Variants in CELF2 observed in about 807,000 individuals in gnomAD.
The protein encoded by CELF2 is CUGBP Elav-like family member 2, also known as CUG triplet repeat RNA-binding protein 2.
A neutral mutation model predicts 62.6 loss-of-function variants in CELF2; 8 were observed. The ratio of observed to expected loss-of-function variants is 0.13; its 90% confidence interval spans 0.07 to 0.23. CELF2 has a LOEUF of 0.23. CELF2 is among the 10% of genes least tolerant of loss of function. The pLI is 1.00. For synonymous variants in CELF2, 258 were observed against 250.0 expected, an observed-to-expected ratio of 1.03 and a Z score of -0.30; for missense variants, 333 against 671.0, an observed-to-expected ratio of 0.50 and a Z score of 5.56.
At chr10:10,704,068 A>C in the CELF2 span, among the ~76,000 whole-genome samples, 1 of 152,218 alleles carries the variant, frequency 6.6e-6, no homozygotes, top group African/African-American at 2.4e-5. Flanking sequence ...TCACTTCAGT[A>C]CTCTGTAAGC....
intron 1 of CELF2, among the ~76,000 whole-genome samples, chr10:10,897,393 T>C (rs1252920810): frequency 1.3e-5 from 2 of 152,064 alleles, no homozygotes; most frequent in Non-Finnish European, 2.9e-5. Context: ...TGAAGAGATT[T>C]CCAAGAAAAA....
chr10:10,632,310 A>G, the CELF2 span, among the ~76,000 whole-genome samples: 2 of 152,188 alleles, frequency 1.3e-5, no homozygotes, highest in African/African-American at 2.4e-5. Context: ...GCCTCACCTC[A>G]TACATAATCA....
At chr10:10,600,138 C>A in the CELF2 span, among the ~76,000 whole-genome samples, 2 of 152,210 alleles carry the variant, frequency 1.3e-5, no homozygotes, top group Admixed American at 6.5e-5. Flanking sequence ...TGAACACTTA[C>A]AACTCTGTCC....
At chr10:10,688,862 G>A in the CELF2 span, among the ~76,000 whole-genome samples, 10 of 151,850 alleles carry the variant, frequency 6.6e-5, no homozygotes. Context: ...TAATTAGTTG[G>A]GTGTGGTGGT....
At chr10:10,519,237 G>C in the CELF2 span, among the ~76,000 whole-genome samples, 6 of 152,152 alleles carry the variant, frequency 3.9e-5, no homozygotes, top group Non-Finnish European at 1.5e-5. Context: ...CTGATCTCTG[G>C]AAATGGTTGC....
intron 1 of CELF2, among the ~76,000 whole-genome samples, chr10:11,143,679 C>T (rs1213713944): frequency 6.6e-6 from 1 of 152,184 alleles, no homozygotes; most frequent in Non-Finnish European, 1.5e-5. Context: ...ATATTTTATG[C>T]TTATTTCGCT....
At chr10:11,241,779 G>T (rs1182044597) in intron 3 of CELF2, among the ~76,000 whole-genome samples, 1 of 152,010 alleles carries the variant, frequency 6.6e-6, no homozygotes, top group African/African-American at 2.4e-5. Flanking sequence ...GTGGGTTGGG[G>T]GTGTCTTCCT....
At chr10:10,820,945 T>C (rs185062867) in intron 1 of CELF2, among the ~76,000 whole-genome samples, 2 of 152,270 alleles carry the variant, frequency 1.3e-5, no homozygotes, top group East Asian at 3.9e-4. Flanking sequence ...TGGGGGTTAT[T>C]GTAGATATCC....
the CELF2 span, among the ~76,000 whole-genome samples, chr10:10,534,385 G>A: frequency 6.6e-6 from 1 of 152,194 alleles, no homozygotes; most frequent in Non-Finnish European, 1.5e-5. Context: ...ACCGGAGTAT[G>A]TTTGCTGATA....
At chr10:10,558,461 A>G in the CELF2 span, among the ~76,000 whole-genome samples, 1 of 152,132 alleles carries the variant, frequency 6.6e-6, no homozygotes, top group South Asian at 2.1e-4. Flanking sequence ...GGACTTTTGC[A>G]TCAATGTTCA....
At chr10:11,189,098 G>A (rs901191134) in intron 2 of CELF2, among the ~76,000 whole-genome samples, 43 of 152,054 alleles carry the variant, frequency 2.8e-4, no homozygotes, top group Non-Finnish European at 4.3e-4. Flanking sequence ...CTAAAGTGAG[G>A]CCTCTCCTAG....
chr10:10,511,147 C>T, the CELF2 span, among the ~76,000 whole-genome samples: 1,923 of 152,250 alleles, frequency 0.013, 39 homozygotes, highest in African/African-American at 0.044. Context: ...CGGTGGCTCA[C>T]GCCTGTAATC....
the CELF2 span, among the ~76,000 whole-genome samples, chr10:10,475,425 C>T: frequency 7.9e-5 from 12 of 151,460 alleles, no homozygotes; most frequent in Admixed American, 5.3e-4. Context: ...TACTGACTTA[C>T]CAACATCGCA....
At chr10:10,644,986 G>C in the CELF2 span, among the ~76,000 whole-genome samples, 3 of 152,162 alleles carry the variant, frequency 2.0e-5, no homozygotes, top group African/African-American at 7.2e-5. Context: ...CTGATACACT[G>C]AGAGAAAGCG....
the CELF2 span, among the ~76,000 whole-genome samples, chr10:10,610,315 C>T: frequency 6.6e-6 from 1 of 152,204 alleles, no homozygotes; most frequent in East Asian, 1.9e-4. Context: ...TCTTCCTACA[C>T]AGAGTGCCAT....
rs897593880 is a variant in CELF2 at position 11,214,672 on chromosome 10, A to G, written c.272-2753A>G. Among the ~76,000 whole-genome samples, 3 of 152,228 alleles carry G rather than the reference A, an allele frequency of 2.0e-5. No individual in the cohort carries two copies. Among genetic ancestry groups the G allele is most frequent in the African/African-American group, 4.8e-5 (2 of 41,470 alleles). ...GTCGGACAGATGAACGGTAAGGCAC[A>G]TTAGCAGTGTTACCTACGGTATCCT... On this transcript the variant is annotated intron_variant, in intron 2 of 12. Transcript: ENST00000633077. The surrounding 1 kb of genome is among the most constrained non-coding windows in gnomAD (Gnocchi z 4.2).
At chr10:11,112,668 T>C (rs2055509470) in intron 1 of CELF2, among the ~76,000 whole-genome samples, 1 of 152,234 alleles carries the variant, frequency 6.6e-6, no homozygotes, top group African/African-American at 2.4e-5. Flanking sequence ...ACGATATTTA[T>C]GGGAAAAGCA....
chr10:11,010,874 GC>G lies in CELF2; in HGVS notation c.53+5437del, dbSNP rs2056349351. 6.6e-6 allele frequency: 1 copy of G among 152,216 alleles called. No homozygotes were observed. The highest frequency in any genetic ancestry group is 2.4e-5 in the African/African-American group (1 of 41,436). The allele number at this position is 152,216 out of a possible 1,614,324, so 9.4% of individuals were successfully genotyped here. A position where few individuals can be genotyped will look rare whatever the true frequency, so the allele number is the denominator to read the frequency against. On this transcript the variant is annotated intron_variant, in intron 1 of 12. Transcript: ENST00000416382. This position sits in a 1 kb window ranked among gnomAD's most constrained non-coding sequence, Gnocchi z 4.1. Reference sequence around the variant, plus strand: ...CACTGTTTATAGTTTCAGCTGCTCAGCCCTTCCTAAATTACAGCTCTTTTAA... The same window carrying G: ...CACTGTTTATAGTTTCAGCTGCTCAGCCTTCCTAAATTACAGCTCTTTTAA...
Position 11,243,955 on chromosome 10 carries a change from C to G in CELF2, c.355-5198C>G, listed in dbSNP as rs1315675278. Reference sequence around the variant, plus strand: ...CTGGGAACTAGCCTCAGCCCTGACCCTAGCCACACAGTAGGTAGATTGAAT... The same window carrying G: ...CTGGGAACTAGCCTCAGCCCTGACCGTAGCCACACAGTAGGTAGATTGAAT... On this transcript the variant is annotated intron_variant, in intron 3 of 12. Transcript: ENST00000633077. The surrounding 1 kb of genome is among the most constrained non-coding windows in gnomAD (Gnocchi z 4.1). 1.3e-5 allele frequency among the ~76,000 whole-genome samples: 2 copies of G among 152,232 alleles called. No homozygotes were observed. The highest frequency in any genetic ancestry group is 6.5e-5 in the Admixed American group (1 of 15,284).
Sources: gnomAD v4.1 joint callset for allele counts (sites outside exome capture counted in the v4.1 genomes callset) on GRCh38, gnomAD v4.1.1 for gene constraint, Gnocchi (gnomAD v3.1) non-coding constraint, MANE v1.5 for transcripts, NCBI Gene and HGNC (gene_info 2026-07-23, HGNC 2026-07-21) for gene names.